The following TVP23C variants were observed in gnomAD, a reference collection of about 807,000 sequenced individuals.
TVP23C encodes the protein trans-golgi network vesicle protein 23 homolog C, also known as Golgi apparatus membrane protein TVP23 homolog C.
A neutral mutation model predicts 28.7 loss-of-function variants in TVP23C; 19 were observed. The observed-to-expected ratio is 0.66, with a 90% CI of 0.46 to 0.97. TVP23C has a LOEUF of 0.97. Ranked by LOEUF, TVP23C falls within the 50% of genes least tolerant of loss-of-function variation. The pLI, the probability that TVP23C is intolerant of heterozygous loss-of-function variation, is 0.00. For missense variants in TVP23C, 186 were observed against 241.3 expected (o/e 0.77, Z 1.52); for synonymous variants, 68 against 81.7 (o/e 0.83, Z 0.90).
chr17:15,562,419 A>C (rs1230743540), intron 1 of TVP23C: 1 of 152,066 alleles, frequency 6.6e-6, no homozygotes, highest in African/African-American at 2.4e-5. Context: ...GGGTTTCACC[A>C]AGTTGGCCAG....
chr17:15,523,490 T>C (rs985088064), intron 5 of TVP23C, among the ~76,000 whole-genome samples: 6 of 149,646 alleles, frequency 4.0e-5, no homozygotes, highest in Non-Finnish European at 8.9e-5. Context: ...TTTGTATTTT[T>C]GTAGAGACGG....
downstream of TVP23C, chr17:15,536,931 A>C: frequency 1.1e-5 from 3 of 267,390 alleles, no homozygotes; most frequent in Non-Finnish European, 1.7e-5. Flanking sequence ...ATATCATCTA[A>C]AGTATTACAT....
At chr17:15,503,583 C>G in intron 5 of TVP23C, 1 of 165,366 alleles carries the variant, frequency 6.0e-6, no homozygotes, top group East Asian at 1.7e-4. Flanking sequence ...ATTAGCATGT[C>G]GAAAAATTGG....
At chr17:15,548,269 C>T (rs1412009121) in intron 3 of TVP23C, among the ~76,000 whole-genome samples, 2 of 152,148 alleles carry the variant, frequency 1.3e-5, no homozygotes, top group South Asian at 2.1e-4. Flanking sequence ...CGGGTTCAAA[C>T]GATTCTCCTG....
chr17:15,511,474 AAAC>A (rs1981999810), intron 5 of TVP23C, among the ~76,000 whole-genome samples: 1 of 152,192 alleles, frequency 6.6e-6, no homozygotes, highest in South Asian at 2.1e-4. Context: ...CTAGGAATCC[AAAC>A]AACTGGTTTT....
chr17:15,506,024 T>G (rs1324478407), intron 5 of TVP23C, among the ~76,000 whole-genome samples: 2 of 152,202 alleles, frequency 1.3e-5, no homozygotes, highest in Non-Finnish European at 2.9e-5. Flanking sequence ...CGCCACCCCC[T>G]GCTCCACAGC....
chr17:15,527,432 T>C (rs143650743), intron 5 of TVP23C, among the ~76,000 whole-genome samples: 16 of 152,276 alleles, frequency 1.1e-4, no homozygotes, highest in African/African-American at 3.6e-4. Context: ...TGCCATATAC[T>C]AGATGAGAAT....
At chr17:15,506,292 GA>G (rs1981737089) in intron 5 of TVP23C, among the ~76,000 whole-genome samples, 3 of 152,236 alleles carry the variant, frequency 2.0e-5, no homozygotes, top group Non-Finnish European at 4.4e-5. Flanking sequence ...GGGCCTTGGA[GA>G]ACCTTTATGT....
intron 1 of TVP23C, among the ~76,000 whole-genome samples, chr17:15,558,500 T>C (rs561654738): frequency 6.8e-6 from 1 of 147,832 alleles, no homozygotes; most frequent in East Asian, 2.0e-4. Flanking sequence ...TTAAGGATCT[T>C]GAGGTCAAGA....
At chr17:15,558,903 G>C (rs1336373168) in intron 1 of TVP23C, among the ~76,000 whole-genome samples, 9 of 141,162 alleles carry the variant, frequency 6.4e-5, no homozygotes, top group Non-Finnish European at 1.2e-4. Flanking sequence ...TCTGGCTCTC[G>C]CCCAGGCTGG....
chr17:15,510,213 T>C (rs1981941557), intron 5 of TVP23C, among the ~76,000 whole-genome samples: 1 of 151,998 alleles, frequency 6.6e-6, no homozygotes, highest in Non-Finnish European at 1.5e-5. Context: ...GAGGAGGAAG[T>C]AGAGAAGAGA....
intron 3 of TVP23C, among the ~76,000 whole-genome samples, chr17:15,549,776 A>G (rs1983808505): frequency 6.6e-6 from 1 of 152,206 alleles, no homozygotes; most frequent in Admixed American, 6.5e-5. Context: ...ACAAACCTGA[A>G]TGGAGATACA....
Position 15,538,805 on chromosome 17 carries a change from A to G in TVP23C, c.*1607T>C, listed in dbSNP as rs1187447649. ...CAGAAACACTGAAAATTCTAACGAAAAAAACCTAATAAGCACATACATGAA... is the reference window on the plus strand; with the variant it reads ...CAGAAACACTGAAAATTCTAACGAAGAAAACCTAATAAGCACATACATGAA... On this transcript the variant is annotated 3_prime_UTR_variant, in exon 6 of 6. Coordinates refer to ENST00000518321, the MANE Select transcript of TVP23C (RefSeq NM_001135036.2). 2 of 985,284 alleles carry G rather than the reference A, an allele frequency of 2.0e-6. No homozygotes were observed. The highest frequency in any genetic ancestry group is 1.1e-4 in the East Asian group (1 of 8,820). 61.0% of individuals were successfully genotyped at this position (985,284 alleles called of 1,614,324 possible).
At chr17:15,508,760 T>C (rs1981878775) in intron 5 of TVP23C, among the ~76,000 whole-genome samples, 1 of 152,216 alleles carries the variant, frequency 6.6e-6, no homozygotes, top group Non-Finnish European at 1.5e-5. Context: ...TTCTGGGTAT[T>C]TCTGGATCTA....
Position 15,530,058 on chromosome 17 carries a change from C to T in TVP23C, c.462+15727G>A, listed in dbSNP as rs868055891. ...AAGTGATCCGCTCACCTAGACCTCC[C>T]AAAGTGCTGGGATTACAGGCGTGAG... On this transcript the variant is annotated intron_variant, in intron 5 of 5. Coordinates refer to the TVP23C transcript ENST00000225576. 2.6e-4 allele frequency among the ~76,000 whole-genome samples: 39 copies of T among 152,276 alleles called. No individual in the cohort carries two copies. The Middle Eastern group carries it at 0.017, about 66-fold the overall frequency.
chr17:15,555,591 C>T (rs1984095858), intron 1 of TVP23C, among the ~76,000 whole-genome samples: 1 of 152,174 alleles, frequency 6.6e-6, no homozygotes, highest in Non-Finnish European at 1.5e-5. Flanking sequence ...CCATCCCTGC[C>T]CCTAGGCTGC....
chr17:15,545,560 A>G (rs144409208), intron 5 of TVP23C, among the ~76,000 whole-genome samples: 82 of 152,416 alleles, frequency 5.4e-4, no homozygotes, highest in African/African-American at 1.9e-3. Flanking sequence ...TTTCCAGAAA[A>G]GACCACTAAT....
At chr17:15,536,602 T>C (rs1272383733), downstream of TVP23C, among the ~76,000 whole-genome samples, 1 of 151,978 alleles carries the variant, frequency 6.6e-6, no homozygotes, top group Admixed American at 6.6e-5. Context: ...TTACTTGGTT[T>C]AGGATGCAGT....
chr17:15,533,519 T>C (rs1363441895), downstream of TVP23C, among the ~76,000 whole-genome samples: 2 of 152,166 alleles, frequency 1.3e-5, no homozygotes, highest in African/African-American at 2.4e-5. Flanking sequence ...AATCAAGTAC[T>C]GCAGATCTAC....
Sources: gnomAD v4.1 joint callset for allele counts (sites outside exome capture counted in the v4.1 genomes callset) on GRCh38, gnomAD v4.1.1 for gene constraint, MANE v1.5 for transcripts, NCBI Gene and HGNC (gene_info 2026-07-23, HGNC 2026-07-21) for gene names.